The following SLC12A7 variants were observed in gnomAD, a reference collection of about 807,000 sequenced individuals.
The protein encoded by SLC12A7 is K-Cl cotransporter 4.
A neutral mutation model predicts 120.6 loss-of-function variants in SLC12A7; 100 were observed. The ratio of observed to expected loss-of-function variants is 0.83; its 90% confidence interval spans 0.71 to 0.98. SLC12A7 has a LOEUF of 0.98. Among genes scored for constraint, SLC12A7 ranks in the 50% least tolerant of loss-of-function variants. The pLI is 0.00. For missense variants in SLC12A7, 1,373 were observed against 1,548.1 expected (o/e 0.89, Z 1.90); for synonymous variants, 760 against 678.0 (o/e 1.12, Z -1.88).
At chr5:1,086,828 A>G in intron 6 of SLC12A7, 75 bp downstream of exon 6, 1 of 1,567,598 alleles carries the variant, frequency 6.4e-7, no homozygotes, top group South Asian at 1.2e-5. Context: ...TGTGCCACAG[A>G]GTGGGTCAGG....
Position 1,088,509 on chromosome 5 carries a change from C to G in SLC12A7, c.490-149G>C, listed in dbSNP as rs890478900. ...CCATCTCAATGGAGTGGCTAGGAAACAGGACCTGGAGGCTCCCGGGCACCA... is the reference window on the plus strand; with the variant it reads ...CCATCTCAATGGAGTGGCTAGGAAAGAGGACCTGGAGGCTCCCGGGCACCA... On this transcript the variant is annotated intron_variant, in intron 4 of 23. Transcript: ENST00000264930. 1.6e-5 allele frequency: 14 copies of G among 856,592 alleles called. No individual in the cohort carries two copies. The Admixed American group carries it at 1.7e-4, about 11-fold the overall frequency. The allele number at this position is 856,592 out of a possible 1,614,324, so 53.1% of individuals were successfully genotyped here. A position where few individuals can be genotyped will look rare whatever the true frequency, so the allele number is the denominator to read the frequency against.
At chr5:1,077,773 G>T in intron 12 of SLC12A7, 60 bp downstream of exon 12, 2 of 1,471,882 alleles carry the variant, frequency 1.4e-6, no homozygotes, top group Non-Finnish European at 1.8e-6. Context: ...GATCCCGCAG[G>T]GGAGGAGAGC....
the SLC12A7 span, among the ~76,000 whole-genome samples, chr5:1,135,227 G>A: frequency 2.6e-5 from 4 of 152,336 alleles, no homozygotes; most frequent in South Asian, 2.1e-4. Flanking sequence ...AAGACTGTGG[G>A]GCCAGCCAGA....
At chr5:1,054,242 C>T (rs1735364825) in intron 22 of SLC12A7, among the ~76,000 whole-genome samples, 1 of 152,260 alleles carries the variant, frequency 6.6e-6, no homozygotes, top group South Asian at 2.1e-4. Context: ...CAACGCAGCT[C>T]TGCTCCACGA....
intron 1 of SLC12A7, among the ~76,000 whole-genome samples, chr5:1,107,940 C>T (rs938051024): frequency 6.6e-5 from 10 of 152,090 alleles, no homozygotes; most frequent in Admixed American, 5.9e-4. Context: ...GGGGAGGGAA[C>T]GGATACCCAA....
rs145505079 is a variant in SLC12A7, at chr5:1,055,235, G to A, written c.3027-1753C>T. On this transcript the variant is annotated intron_variant, in intron 22 of 23. Transcript: ENST00000264930. The stretch of plus-strand genomic sequence containing the variant: ...ACTATCATGTACAAACAGGCATGCA[G>A]TCACAATGTGCAAATGCGTGCAGAC... 3.2e-3 allele frequency among the ~76,000 whole-genome samples: 488 copies of A among 152,340 alleles called. 1 individual carries two copies. Among genetic ancestry groups the A allele is most frequent in the Admixed American group, 6.4e-3 (98 of 15,304 alleles).
intron 1 of SLC12A7, among the ~76,000 whole-genome samples, chr5:1,100,577 G>T (rs1219012402): frequency 1.3e-5 from 2 of 152,240 alleles, no homozygotes; most frequent in African/African-American, 2.4e-5. Context: ...TGCGCTCGTG[G>T]GTAACAGAGG....
At chr5:1,108,164 G>A (rs923724756) in intron 1 of SLC12A7, among the ~76,000 whole-genome samples, 2 of 152,346 alleles carry the variant, frequency 1.3e-5, no homozygotes, top group Admixed American at 1.3e-4. Flanking sequence ...ACACCTGCAC[G>A]CTCACAAGGC....
chr5:1,100,330 C>G (rs1340300225), intron 1 of SLC12A7, among the ~76,000 whole-genome samples: 1 of 152,228 alleles, frequency 6.6e-6, no homozygotes, highest in Non-Finnish European at 1.5e-5. Context: ...CGGCCAGAGT[C>G]ACTGGGAAAG....
At chr5:1,085,542 G>A in intron 6 of SLC12A7, 69 bp from the exon 7 acceptor site, 2 of 1,494,964 alleles carry the variant, frequency 1.3e-6, no homozygotes, top group Non-Finnish European at 1.8e-6. Flanking sequence ...CCTCCCGCAA[G>A]CCCCCAGCGC....
rs575027481 is a variant in SLC12A7 at position 1,076,772 on chromosome 5, G to A, written c.1670C>T (p.Ala557Val). 23 of 1,610,940 alleles carry A rather than the reference G, an allele frequency of 1.4e-5. No individual in the cohort carries two copies. Among genetic ancestry groups the A allele is most frequent in the Middle Eastern group, 1.7e-4 (1 of 6,058 alleles). The stretch of plus-strand genomic sequence containing the variant: ...GCAGATGAGGACTGTCAGCAGCAGC[G>A]CCCACGTGGGCTCCCCGTTGGCCTT... ...HGKANGEPTW[A>V]LLLTVLICET... The change falls in exon 13 of 24, where the codon GCG becomes GTG. Residue 557 changes from alanine to valine, a missense_variant. Ala to Val is a moderately conservative substitution (Grantham distance 64). Coordinates refer to ENST00000264930, the MANE Select transcript of SLC12A7 (RefSeq NM_006598.3).
At position 1,089,133 on chromosome 5, in the gene SLC12A7, G is replaced by A. The variant is rs371925250; in HGVS notation, c.343-5C>T. ...GAAGGTGCCCATGCGCGGAGCCTGC[G>A]ACAGAGCATAGCGTGTCCCAGGGGC... On this transcript the variant is annotated splice_region_variant and splice_polypyrimidine_tract_variant and intron_variant, in intron 3 of 23. Transcript: ENST00000264930. The A allele has an allele frequency of 1.7e-4, 278 of 1,612,122 alleles. No individual in the cohort carries two copies. Among genetic ancestry groups the A allele is most frequent in the Non-Finnish European group, 2.1e-4 (250 of 1,179,910 alleles).
the SLC12A7 span, among the ~76,000 whole-genome samples, chr5:1,130,628 G>GC: frequency 1.0e-5 from 1 of 95,844 alleles, no homozygotes. Flanking sequence ...GGTGGGGGCA[G>GC]CAGGGAGGGA....
At position 1,094,224 on chromosome 5, in the gene SLC12A7, C is replaced by T; in HGVS notation, c.149G>A (p.Ser50Asn). ...SPGDGNPREN[S>N]PFLNNVEVEQ... is the part of the protein sequence containing the mutation. The stretch of plus-strand genomic sequence containing the variant: ...CACCTCGACATTGTTGAGGAATGGG[C>T]TGTTTTCTCTTGGATTTCCATCTCC... The change falls in exon 2 of 24, where the codon AGC (serine) becomes AAC (asparagine). Residue 50 changes from serine to asparagine, a missense_variant. By Grantham distance (46) the Ser-to-Asn change is conservative. Coordinates refer to ENST00000264930, the MANE Select transcript of SLC12A7 (RefSeq NM_006598.3). The T allele has an allele frequency of 6.2e-7, 1 of 1,613,432 alleles. No individual in the cohort carries two copies. The highest frequency in any genetic ancestry group is 8.5e-7 in the Non-Finnish European group (1 of 1,179,652).
At chr5:1,121,026 C>T in the SLC12A7 span, among the ~76,000 whole-genome samples, 11 of 152,250 alleles carry the variant, frequency 7.2e-5, no homozygotes, top group Non-Finnish European at 1.5e-4. Flanking sequence ...TGGCTCAGAG[C>T]ATGTGCTGCA....
the SLC12A7 span, among the ~76,000 whole-genome samples, chr5:1,132,247 C>G: frequency 6.6e-6 from 1 of 152,130 alleles, no homozygotes; most frequent in South Asian, 2.1e-4. Context: ...GCCACGGCAA[C>G]GTCGGGAAGC....
intron 8 of SLC12A7, among the ~76,000 whole-genome samples, chr5:1,083,346 G>C (rs560340620): frequency 6.6e-6 from 1 of 152,208 alleles, no homozygotes; most frequent in Non-Finnish European, 1.5e-5. Context: ...CCTGCCAGGG[G>C]TCCTTTTCCC....
chr5:1,080,170 G>A (rs1163121016), intron 9 of SLC12A7, among the ~76,000 whole-genome samples: 5 of 150,264 alleles, frequency 3.3e-5, no homozygotes, highest in East Asian at 2.0e-4. Context: ...CCCTCCACCC[G>A]CGGCTCAGAG....
the SLC12A7 span, among the ~76,000 whole-genome samples, chr5:1,118,895 G>A: frequency 5.3e-5 from 8 of 152,224 alleles, no homozygotes; most frequent in African/African-American, 1.9e-4. Flanking sequence ...CGGCTGGCGG[G>A]AGAGGCAGAG....
Sources: allele counts gnomAD v4.1 joint callset (sites outside exome capture counted in the v4.1 genomes callset), GRCh38; gene constraint gnomAD v4.1.1; transcripts MANE v1.5; gene names NCBI Gene and HGNC (gene_info 2026-07-23, HGNC 2026-07-21).